The following KHDRBS2 variants were observed in gnomAD, a reference collection of about 807,000 sequenced individuals.
KHDRBS2 encodes KH RNA binding domain containing, signal transduction associated 2.
In KHDRBS2, 26 loss-of-function variants were observed where a neutral mutation model predicts 44.3. That is an observed-to-expected ratio of 0.59 (90% CI 0.43 to 0.81). The LOEUF is 0.81. KHDRBS2 is among the 40% of genes least tolerant of loss of function. The pLI, the probability that KHDRBS2 is intolerant of heterozygous loss-of-function variation, is 0.00. For synonymous variants in KHDRBS2, 194 were observed against 151.1 expected, an observed-to-expected ratio of 1.28 and a Z score of -2.08; for missense variants, 476 against 433.1, an observed-to-expected ratio of 1.10 and a Z score of -0.88.
intron 6 of KHDRBS2, among the ~76,000 whole-genome samples, chr6:61,770,330 G>A (rs1163140630): frequency 6.6e-6 from 1 of 152,222 alleles, no homozygotes; most frequent in African/African-American, 2.4e-5. Flanking sequence ...AACAAAGCTG[G>A]ATGGGGAATG....
chr6:61,959,121 C>T (rs9363585), intron 4 of KHDRBS2, among the ~76,000 whole-genome samples: 52,090 of 152,094 alleles, frequency 0.34, 9,086 homozygotes, highest in Middle Eastern at 0.4. Context: ...TCCCGGTTTC[C>T]AGCCCAGTTT....
At chr6:61,787,643 T>C (rs1784021489) in intron 6 of KHDRBS2, among the ~76,000 whole-genome samples, 1 of 151,662 alleles carries the variant, frequency 6.6e-6, no homozygotes, top group South Asian at 2.1e-4. Flanking sequence ...CCATTATGAA[T>C]CTAAAAAGCC....
At chr6:62,031,854 G>A (rs543990509) in intron 3 of KHDRBS2, among the ~76,000 whole-genome samples, 2 of 152,140 alleles carry the variant, frequency 1.3e-5, no homozygotes, top group South Asian at 2.1e-4. Context: ...TTTGCCACCT[G>A]CTGATTGTAG....
chr6:61,673,365 A>G, the KHDRBS2 span, among the ~76,000 whole-genome samples: 1 of 151,924 alleles, frequency 6.6e-6, no homozygotes, highest in Non-Finnish European at 1.5e-5. Flanking sequence ...AACTGGCACA[A>G]GACAGGGATG....
chr6:62,265,198 T>G (rs1585507046), intron 1 of KHDRBS2, among the ~76,000 whole-genome samples: 1 of 151,960 alleles, frequency 6.6e-6, no homozygotes, highest in African/African-American at 2.4e-5. Flanking sequence ...ACTAAAATAT[T>G]ATTTATCTAG....
chr6:62,019,604 A>G (rs1182675098), intron 3 of KHDRBS2, among the ~76,000 whole-genome samples: 1 of 152,086 alleles, frequency 6.6e-6, no homozygotes, highest in Non-Finnish European at 1.5e-5. Flanking sequence ...GCTTCTTAGT[A>G]CAAAATATAA....
intron 1 of KHDRBS2, among the ~76,000 whole-genome samples, chr6:62,261,610 C>T (rs1838358258): frequency 1.3e-5 from 2 of 151,758 alleles, no homozygotes; most frequent in Non-Finnish European, 2.9e-5. Flanking sequence ...CCAGCAAGTG[C>T]TACAGAAGGA....
chr6:61,852,915 T>C (rs887756550), intron 6 of KHDRBS2, among the ~76,000 whole-genome samples: 1 of 152,178 alleles, frequency 6.6e-6, no homozygotes, highest in Non-Finnish European at 1.5e-5. Context: ...AATAGTATAT[T>C]AAAGATCTTA....
intron 4 of KHDRBS2, among the ~76,000 whole-genome samples, chr6:61,952,489 A>G (rs925213529): frequency 1.3e-5 from 2 of 152,124 alleles, no homozygotes; most frequent in African/African-American, 2.4e-5. Flanking sequence ...ACTAATAAGT[A>G]CCATACAGAT....
intron 3 of KHDRBS2, among the ~76,000 whole-genome samples, chr6:62,016,297 G>A (rs1228836850): frequency 6.6e-6 from 1 of 151,920 alleles, no homozygotes; most frequent in South Asian, 2.1e-4. Context: ...AGACTGAATT[G>A]CTTGTATCCT....
intron 6 of KHDRBS2, among the ~76,000 whole-genome samples, chr6:61,851,378 A>G (rs528909346): frequency 2.0e-5 from 3 of 152,014 alleles, no homozygotes; most frequent in African/African-American, 7.2e-5. Flanking sequence ...GTTGTTTGGG[A>G]CTGAACTGTG....
chr6:62,129,186 C>T lies in KHDRBS2; in HGVS notation c.219+47999G>A, dbSNP rs182475248. Among the ~76,000 whole-genome samples the T allele has an allele frequency of 1.7e-4, 26 of 152,122 alleles. No homozygotes were observed. The East Asian group carries it at 2.7e-3, about 16-fold the overall frequency. On this transcript the variant is annotated intron_variant, in intron 2 of 8. Transcript: ENST00000281156. Reference sequence around the variant, plus strand: ...GGATTAAAACAGTGTGAAATGATGGCTTTAAATTTCCTCTGTTTACAAGTT... The same window carrying T: ...GGATTAAAACAGTGTGAAATGATGGTTTTAAATTTCCTCTGTTTACAAGTT...
chr6:61,669,268 T>C, the KHDRBS2 span, among the ~76,000 whole-genome samples: 1 of 150,992 alleles, frequency 6.6e-6, no homozygotes, highest in Non-Finnish European at 1.5e-5. Flanking sequence ...TTAAAATGTC[T>C]TTTTCTTCAG....
At chr6:62,035,656 G>A (rs1785152787) in intron 3 of KHDRBS2, among the ~76,000 whole-genome samples, 1 of 151,928 alleles carries the variant, frequency 6.6e-6, no homozygotes, top group South Asian at 2.1e-4. Context: ...TTATTGGATT[G>A]TTTGTAATAC....
chr6:62,242,161 A>G (rs2150168290), intron 1 of KHDRBS2, among the ~76,000 whole-genome samples: 1 of 152,330 alleles, frequency 6.6e-6, no homozygotes, highest in East Asian at 1.9e-4. Flanking sequence ...CTAAGGGTAC[A>G]GAGGATAAAA....
chr6:61,558,157 C>A, the KHDRBS2 span, among the ~76,000 whole-genome samples: 3 of 151,372 alleles, frequency 2.0e-5, no homozygotes, highest in East Asian at 3.9e-4. Context: ...TATTTATTTT[C>A]TTCTTCTGTT....
At chr6:62,278,542 T>G (rs2150194681) in intron 1 of KHDRBS2, among the ~76,000 whole-genome samples, 1 of 152,292 alleles carries the variant, frequency 6.6e-6, no homozygotes, top group Admixed American at 6.5e-5. Flanking sequence ...CAATGAAATA[T>G]TAATATTAAT....
At chr6:61,561,117 G>A in the KHDRBS2 span, among the ~76,000 whole-genome samples, 2 of 152,130 alleles carry the variant, frequency 1.3e-5, no homozygotes, top group Non-Finnish European at 2.9e-5. Flanking sequence ...ATAAGATCTA[G>A]AAGAATTCTC....
chr6:61,890,786 T>A (rs776657654), intron 6 of KHDRBS2, among the ~76,000 whole-genome samples: 7 of 152,160 alleles, frequency 4.6e-5, no homozygotes, highest in Non-Finnish European at 8.8e-5. Context: ...GTCCCTGAGT[T>A]TTTTTTGAAC....
Sources: gnomAD v4.1 joint callset for allele counts (sites outside exome capture counted in the v4.1 genomes callset) on GRCh38, gnomAD v4.1.1 for gene constraint, MANE v1.5 for transcripts, NCBI Gene and HGNC (gene_info 2026-07-23, HGNC 2026-07-21) for gene names.